Variants in ATL2 observed in about 807,000 individuals in gnomAD.
ATL2 encodes atlastin-2.
Under a neutral mutation model 73.9 loss-of-function variants are expected in ATL2, and 31 were observed. That is an observed-to-expected ratio of 0.42 (90% CI 0.32 to 0.57). The LOEUF is 0.57. Among genes scored for constraint, ATL2 ranks in the 20% least tolerant of loss-of-function variants. The pLI, the probability that ATL2 is intolerant of heterozygous loss-of-function variation, is 0.14. For missense variants in ATL2, 738 were observed against 702.6 expected (o/e 1.05, Z -0.57); for synonymous variants, 291 against 237.5 (o/e 1.23, Z -2.07).
At chr2:38,358,498 C>A (rs369826201) in intron 1 of ATL2, 151 of 235,414 alleles carry the variant, frequency 6.4e-4, no homozygotes, top group African/African-American at 3.0e-3. Context: ...GTCAGGAGAT[C>A]GAGACCACAG....
intron 2 of ATL2, among the ~76,000 whole-genome samples, chr2:38,321,331 C>A (rs926716102): frequency 2.0e-5 from 3 of 152,134 alleles, no homozygotes; most frequent in African/African-American, 7.2e-5. Context: ...GGATTCATTT[C>A]TTTTTCTTCA....
chr2:38,298,362 C>T lies in ATL2; in HGVS notation c.1414G>A (p.Ala472Thr). The T allele has an allele frequency of 6.2e-7, 1 of 1,614,174 alleles. No homozygotes were observed. Among genetic ancestry groups the T allele is most frequent in the Non-Finnish European group, 8.5e-7 (1 of 1,180,018 alleles). Residue 472 changes from alanine (A) to threonine (T), a missense_variant, in exon 12 of 13, where the codon GCT becomes ACT. Ala to Thr is a moderately conservative substitution (Grantham distance 58). Coordinates refer to ENST00000378954, the MANE Select transcript of ATL2 (RefSeq NM_001135673.4). The stretch of plus-strand genomic sequence containing the variant: ...GCAAACAGTGTGGCTGGGGTACGAG[C>T]AGCATAGAAGATATTTTTGCCATCA... ...HNDGKNIFYA[A>T]RTPATLFAVM...
intron 6 of ATL2, among the ~76,000 whole-genome samples, 185 bp from the exon 7 acceptor site, chr2:38,313,428 C>A (rs918622918): frequency 2.6e-5 from 4 of 152,122 alleles, no homozygotes; most frequent in Middle Eastern, 3.4e-3. Context: ...ATTCTCAGGC[C>A]CTATACCAAG....
At chr2:38,343,028 G>A (rs148454034) in intron 2 of ATL2, among the ~76,000 whole-genome samples, 1,724 of 150,008 alleles carry the variant, frequency 0.011, 39 homozygotes, top group African/African-American at 0.04. Flanking sequence ...CACGCCTGTA[G>A]TCCTAGCTTC....
chr2:38,310,283 A>C (rs778390170), intron 8 of ATL2, 26 bp downstream of exon 8: 13 of 1,607,698 alleles, frequency 8.1e-6, no homozygotes, highest in Non-Finnish European at 1.1e-5. Flanking sequence ...ATAAGTTCAG[A>C]TTTTAGCAAG....
intron 7 of ATL2, 122 bp from the exon 8 acceptor site, chr2:38,310,569 C>T (rs1301393926): frequency 9.7e-6 from 6 of 616,274 alleles, no homozygotes; most frequent in South Asian, 4.4e-5. Context: ...CCTAAGGAGT[C>T]TTTTTTGACA....
At chr2:38,310,909 G>A (rs1306873032) in intron 7 of ATL2, among the ~76,000 whole-genome samples, 1 of 152,080 alleles carries the variant, frequency 6.6e-6, no homozygotes, top group Non-Finnish European at 1.5e-5. Context: ...TTACAGGCAT[G>A]AGCCACCGCA....
At chr2:38,327,949 G>A (rs913244327) in intron 2 of ATL2, among the ~76,000 whole-genome samples, 1 of 151,992 alleles carries the variant, frequency 6.6e-6, no homozygotes, top group African/African-American at 2.4e-5. Flanking sequence ...AAAAGAAATT[G>A]TCACAGTGGG....
At chr2:38,371,212 AG>A (rs1671671123) in intron 1 of ATL2, among the ~76,000 whole-genome samples, 1 of 151,166 alleles carries the variant, frequency 6.6e-6, no homozygotes. Context: ...AAAAAAAAAA[AG>A]AAAGAAAGAA....
intron 1 of ATL2, among the ~76,000 whole-genome samples, chr2:38,375,500 G>A (rs1053246510): frequency 6.6e-6 from 1 of 152,100 alleles, no homozygotes; most frequent in African/African-American, 2.4e-5. Flanking sequence ...AATCTGAAGA[G>A]TATCATCTCT....
chr2:38,310,706 C>T (rs894939581), intron 7 of ATL2, among the ~76,000 whole-genome samples: 2 of 148,708 alleles, frequency 1.3e-5, no homozygotes, highest in Non-Finnish European at 1.5e-5. Context: ...GGTGCAATCT[C>T]GGCTCACCGC....
At chr2:38,303,058 T>C (rs1244790110) in intron 9 of ATL2, among the ~76,000 whole-genome samples, 1 of 152,008 alleles carries the variant, frequency 6.6e-6, no homozygotes, top group African/African-American at 2.4e-5. Flanking sequence ...TTGAGGAAAC[T>C]CAAAGAAATT....
chr2:38,298,249 C>A lies in ATL2; in HGVS notation c.1527G>T (p.Gly509=), dbSNP rs765179616. 1.6e-5 allele frequency: 26 copies of A among 1,613,974 alleles called. No homozygotes were observed. The highest frequency in any genetic ancestry group is 3.3e-5 in the Admixed American group (2 of 59,990). The part of the protein sequence containing the change: ...SIAVLCNLVM[G]LALIFLCTWA... ...AAGTACAAAGAAATATCAGTGCTAA[C>A]CCCATGACAAGGTTACACAAGACAG... is the stretch of plus-strand genomic sequence containing the variant. The change falls in exon 12 of 13, where the codon GGG becomes GGT. Residue 509 remains glycine, a synonymous_variant. Coordinates refer to ENST00000378954, the MANE Select transcript of ATL2 (RefSeq NM_001135673.4).
At chr2:38,349,242 T>TA (rs753107458) in intron 1 of ATL2, among the ~76,000 whole-genome samples, 104 of 152,110 alleles carry the variant, frequency 6.8e-4, no homozygotes, top group African/African-American at 9.7e-5. Context: ...GTTGTGGCAC[T>TA]ATTCACAATA....
chr2:38,357,976 C>T (rs1168005259), intron 1 of ATL2, among the ~76,000 whole-genome samples: 2 of 152,116 alleles, frequency 1.3e-5, no homozygotes, highest in African/African-American at 4.8e-5. Flanking sequence ...GTTATTTCCT[C>T]CACAGCAGTG....
At chr2:38,321,022 G>A (rs964238161) in intron 2 of ATL2, among the ~76,000 whole-genome samples, 1 of 151,944 alleles carries the variant, frequency 6.6e-6, no homozygotes, top group African/African-American at 2.4e-5. Context: ...AGGCGTGGCG[G>A]CACATGCCTG....
Position 38,367,615 on chromosome 2 carries a change from AACCG to A in ATL2, c.118+9524_118+9527del, listed in dbSNP as rs1558459650. Among the ~76,000 whole-genome samples the A allele has an allele frequency of 1.9e-3, 281 of 147,678 alleles. 8 individuals carry two copies. Among genetic ancestry groups the A allele is most frequent in the African/African-American group, 6.6e-3 (259 of 39,398 alleles). On this transcript the variant is annotated intron_variant, in intron 1 of 12. Transcript: ENST00000378954. ...ATCTCAAAAAAAAAAAAAAAAAAAA[AACCG>A]CCCATTTAAAACAACTTTTTTTTTT... is the stretch of plus-strand genomic sequence containing the variant.
intron 1 of ATL2, among the ~76,000 whole-genome samples, chr2:38,370,954 T>A (rs1388819536): frequency 1.4e-5 from 2 of 147,976 alleles, no homozygotes; most frequent in Non-Finnish European, 3.0e-5. Flanking sequence ...CTAGCCCCTA[T>A]CTCGGGGGGG....
At chr2:38,296,153 G>C (rs555441060) in intron 12 of ATL2, 40 bp from the exon 13 acceptor site, 11 of 1,501,144 alleles carry the variant, frequency 7.3e-6, no homozygotes, top group Non-Finnish European at 7.1e-6. Context: ...AAAAACATGA[G>C]GTAAAAAAAG....
Sources: gnomAD v4.1 joint callset for allele counts (sites outside exome capture counted in the v4.1 genomes callset) on GRCh38, gnomAD v4.1.1 for gene constraint, MANE v1.5 for transcripts, NCBI Gene and HGNC (gene_info 2026-07-23, HGNC 2026-07-21) for gene names.